The following CNBD1 variants were observed in gnomAD, a reference collection of about 807,000 sequenced individuals.
CNBD1 encodes the protein cyclic nucleotide-binding domain-containing protein 1.
A neutral mutation model predicts 54.4 loss-of-function variants in CNBD1; 71 were observed. That is an observed-to-expected ratio of 1.30 (90% CI 1.08 to 1.59). The LOEUF (loss-of-function observed/expected upper bound fraction) is 1.59. Ranked by LOEUF, CNBD1 falls within the 40% of genes most tolerant of loss-of-function variation. CNBD1 has a pLI of 0.00. For missense variants in CNBD1, 659 were observed against 518.0 expected, an observed-to-expected ratio of 1.27 and a Z score of -2.64; for synonymous variants, 182 against 170.7, an observed-to-expected ratio of 1.07 and a Z score of -0.51.
intron 4 of CNBD1, among the ~76,000 whole-genome samples, chr8:87,054,583 A>G (rs1325432823): frequency 6.6e-6 from 1 of 152,206 alleles, no homozygotes; most frequent in African/African-American, 2.4e-5. Context: ...AACACTTGCA[A>G]TATTGCATTC....
At chr8:87,128,971 C>T (rs148780640) in intron 4 of CNBD1, among the ~76,000 whole-genome samples, 140 of 144,924 alleles carry the variant, frequency 9.7e-4, no homozygotes, top group African/African-American at 3.3e-3. Context: ...CCTGTAGTCC[C>T]AGCTACTCAG....
chr8:87,197,279 G>A (rs1813742851), intron 4 of CNBD1, among the ~76,000 whole-genome samples: 1 of 152,230 alleles, frequency 6.6e-6, no homozygotes, highest in African/African-American at 2.4e-5. Flanking sequence ...TGTGTAAACG[G>A]TGTGCCTGAC....
chr8:87,386,678 A>T (rs1266906880), downstream of CNBD1, among the ~76,000 whole-genome samples: 2 of 152,212 alleles, frequency 1.3e-5, no homozygotes. Context: ...GTTGGAAAAC[A>T]CTCTGCAGGA....
chr8:87,068,881 C>G lies in CNBD1; in HGVS notation c.431+129127C>G, dbSNP rs73281255. Among the ~76,000 whole-genome samples the G allele has an allele frequency of 1.1e-3, 167 of 152,112 alleles. 1 individual carries two copies. The highest frequency in any genetic ancestry group is 3.8e-3 in the African/African-American group (158 of 41,534). The stretch of plus-strand genomic sequence containing the variant: ...TTGGAGGAGGTAAAGCCTCAGAGCT[C>G]TTAAGCTAATCCAAGACACTCTCAT... On this transcript the variant is annotated intron_variant, in intron 4 of 10. Coordinates refer to ENST00000518476, the MANE Select transcript of CNBD1 (RefSeq NM_173538.3).
At chr8:87,209,326 A>T (rs1319168561) in intron 5 of CNBD1, among the ~76,000 whole-genome samples, 1 of 152,186 alleles carries the variant, frequency 6.6e-6, no homozygotes, top group Non-Finnish European at 1.5e-5. Flanking sequence ...AAATGAATTC[A>T]GTAAAATTGC....
chr8:86,896,844 A>G (rs1490647232), intron 2 of CNBD1, among the ~76,000 whole-genome samples: 2 of 152,222 alleles, frequency 1.3e-5, no homozygotes, highest in Non-Finnish European at 2.9e-5. Flanking sequence ...ATTGATACCT[A>G]AAGTATGTAA....
chr8:86,996,005 T>G (rs2130536570), intron 4 of CNBD1, among the ~76,000 whole-genome samples: 1 of 152,308 alleles, frequency 6.6e-6, no homozygotes, highest in South Asian at 2.1e-4. Context: ...TGATTTCCAC[T>G]TATACCCCCA....
intron 10 of CNBD1, among the ~76,000 whole-genome samples, chr8:87,372,940 C>G (rs1810847354): frequency 6.6e-6 from 1 of 151,672 alleles, no homozygotes; most frequent in South Asian, 2.1e-4. Flanking sequence ...AAGTAAACTC[C>G]TGTGATTTTT....
chr8:87,364,257 T>C (rs1051175989), intron 10 of CNBD1, among the ~76,000 whole-genome samples: 1 of 151,496 alleles, frequency 6.6e-6, no homozygotes, highest in Non-Finnish European at 1.5e-5. Context: ...ACACATCTAA[T>C]GTGTGGAAAA....
intron 4 of CNBD1, among the ~76,000 whole-genome samples, chr8:86,977,826 A>G (rs1394900451): frequency 1.3e-5 from 2 of 151,964 alleles, no homozygotes; most frequent in African/African-American, 2.4e-5. Context: ...ACTAATACCA[A>G]TCATTCTCAC....
rs549963146 is a variant in CNBD1, at chr8:87,226,852, C to T, written c.578-10067C>T. On this transcript the variant is annotated intron_variant, in intron 5 of 10. Transcript: ENST00000518476. ...GTTGACAGTGGGGTGTTAAAGTCTC[C>T]CATTATTAATGTGTGGGAATCTGAG... 2.0e-5 allele frequency among the ~76,000 whole-genome samples: 3 copies of T among 151,128 alleles called. No homozygotes were observed. The South Asian group carries it at 6.2e-4, about 31-fold the overall frequency.
At chr8:87,130,665 T>C (rs1011588256) in intron 4 of CNBD1, among the ~76,000 whole-genome samples, 1 of 151,686 alleles carries the variant, frequency 6.6e-6, no homozygotes, top group Admixed American at 6.6e-5. Flanking sequence ...GTTTCCCAGC[T>C]ACTCGGGAGG....
At chr8:87,020,559 G>A (rs542704418) in intron 4 of CNBD1, among the ~76,000 whole-genome samples, 1 of 152,192 alleles carries the variant, frequency 6.6e-6, no homozygotes, top group East Asian at 1.9e-4. Flanking sequence ...TACCTAAGGG[G>A]TCTATGGAGT....
intron 6 of CNBD1, among the ~76,000 whole-genome samples, chr8:87,237,974 G>C (rs1807615969): frequency 6.7e-6 from 1 of 148,808 alleles, no homozygotes; most frequent in Admixed American, 6.7e-5. Flanking sequence ...CCATGTCAGT[G>C]ACCACATATA....
intron 4 of CNBD1, among the ~76,000 whole-genome samples, chr8:87,085,639 T>C (rs1211343773): frequency 6.6e-6 from 1 of 152,190 alleles, no homozygotes. Flanking sequence ...TCCTCAATAT[T>C]CCTCTTACAA....
intron 4 of CNBD1, among the ~76,000 whole-genome samples, chr8:86,988,083 T>C (rs1419548281): frequency 6.6e-6 from 1 of 152,000 alleles, no homozygotes; most frequent in Non-Finnish European, 1.5e-5. Context: ...ATTTCTTCTT[T>C]GTACATATGG....
At chr8:86,872,941 A>C (rs1009038595) in intron 1 of CNBD1, among the ~76,000 whole-genome samples, 1 of 152,046 alleles carries the variant, frequency 6.6e-6, no homozygotes, top group South Asian at 2.1e-4. Flanking sequence ...ATTTATCTAC[A>C]TTGACTTTTG....
intron 2 of CNBD1, among the ~76,000 whole-genome samples, chr8:87,390,091 A>G (rs1357862674): frequency 6.6e-6 from 1 of 151,024 alleles, no homozygotes; most frequent in African/African-American, 2.5e-5. Flanking sequence ...TTATACAAAA[A>G]TTAATTCAAG....
chr8:87,371,577 A>G (rs1309824888), intron 10 of CNBD1, among the ~76,000 whole-genome samples: 1 of 152,028 alleles, frequency 6.6e-6, no homozygotes, highest in Admixed American at 6.6e-5. Flanking sequence ...ACATTGATGC[A>G]GAAATCCTCA....
Sources: allele counts gnomAD v4.1 joint callset (sites outside exome capture counted in the v4.1 genomes callset), GRCh38; gene constraint gnomAD v4.1.1; transcripts MANE v1.5; gene names NCBI Gene and HGNC (gene_info 2026-07-23, HGNC 2026-07-21).